The following TENM2 variants were observed in gnomAD, a reference collection of about 807,000 sequenced individuals.
TENM2 encodes teneurin transmembrane protein 2, also known as teneurin-2.
In TENM2, 52 loss-of-function variants were observed where a neutral mutation model predicts 245.2. The observed-to-expected ratio is 0.21, with a 90% CI of 0.17 to 0.27. The LOEUF is 0.27. Ranked by LOEUF, TENM2 falls within the 10% of genes least tolerant of loss-of-function variation. The pLI, the probability that TENM2 is intolerant of heterozygous loss-of-function variation, is 1.00. For missense variants in TENM2, 3,046 were observed against 3,666.8 expected, an observed-to-expected ratio of 0.83 and a Z score of 4.37; for synonymous variants, 1,363 against 1,438.9, an observed-to-expected ratio of 0.95 and a Z score of 1.19.
At chr5:168,028,498 G>A (rs796698022) in intron 5 of TENM2, among the ~76,000 whole-genome samples, 1 of 152,138 alleles carries the variant, frequency 6.6e-6, no homozygotes, top group South Asian at 2.1e-4. Context: ...CTTTAAACAA[G>A]GTGTAGTGGA....
At chr5:168,136,760 A>G (rs1053229707) in intron 12 of TENM2, among the ~76,000 whole-genome samples, 1 of 152,184 alleles carries the variant, frequency 6.6e-6, no homozygotes, top group Non-Finnish European at 1.5e-5. Context: ...GGATGCTTAC[A>G]AGTTCTTTAA....
intron 2 of TENM2, among the ~76,000 whole-genome samples, chr5:167,528,675 G>C (rs2127590737): frequency 6.6e-6 from 1 of 152,176 alleles, no homozygotes; most frequent in Admixed American, 6.5e-5. Context: ...ACCATACACT[G>C]TACGGTGCTT....
chr5:168,105,638 A>G (rs1353415651), intron 9 of TENM2, among the ~76,000 whole-genome samples: 1 of 152,172 alleles, frequency 6.6e-6, no homozygotes, highest in East Asian at 1.9e-4. Context: ...AAGAAGACTG[A>G]ATAGTATAGA....
intron 5 of TENM2, among the ~76,000 whole-genome samples, chr5:168,003,345 A>C (rs71603847): frequency 8.0e-4 from 59 of 73,730 alleles, no homozygotes; most frequent in South Asian, 3.3e-3. Context: ...ACACACACAC[A>C]CCCCCAAAGC....
At chr5:167,329,335 G>A (rs1757287238) in intron 1 of TENM2, among the ~76,000 whole-genome samples, 1 of 151,054 alleles carries the variant, frequency 6.6e-6, no homozygotes, top group African/African-American at 2.4e-5. Context: ...CATGAGGTCA[G>A]GAGATTGAGA....
rs557371175 is a variant in TENM2, at chr5:168,039,693, A to T, written c.1187-7734A>T. 2.6e-5 allele frequency among the ~76,000 whole-genome samples: 4 copies of T among 152,192 alleles called. No homozygotes were observed. The South Asian group carries it at 8.3e-4, about 32-fold the overall frequency. ...AATAGGATGCCTGACTAGCATTGCC[A>T]GTCAGGTGCATTCCTGGCCACCCCG... On this transcript the variant is annotated intron_variant, in intron 5 of 28. Transcript: ENST00000518659.
At chr5:167,790,556 A>G (rs573172038) in intron 2 of TENM2, among the ~76,000 whole-genome samples, 2 of 152,298 alleles carry the variant, frequency 1.3e-5, no homozygotes, top group East Asian at 3.9e-4. Flanking sequence ...ACCTAGAAAC[A>G]TAAACGTTGC....
intron 27 of TENM2, among the ~76,000 whole-genome samples, chr5:168,259,754 T>C (rs1768018098): frequency 6.6e-6 from 1 of 152,184 alleles, no homozygotes; most frequent in Non-Finnish European, 1.5e-5. Flanking sequence ...CACTTATCCC[T>C]CCAGTCCATC....
At chr5:167,000,903 G>T in the TENM2 span, among the ~76,000 whole-genome samples, 1 of 152,136 alleles carries the variant, frequency 6.6e-6, no homozygotes, top group African/African-American at 2.4e-5. Context: ...TCTTGAGGAA[G>T]AGTAAGTTGT....
At position 167,391,212 on chromosome 5, in the gene TENM2, A is replaced by C. The variant is rs368808375; in HGVS notation, c.502+15739A>C. Among the ~76,000 whole-genome samples, 3 of 152,136 alleles carry C rather than the reference A, an allele frequency of 2.0e-5. No individual in the cohort carries two copies. The South Asian group carries it at 6.2e-4, about 31-fold the overall frequency. On this transcript the variant is annotated intron_variant, in intron 2 of 28. Transcript: ENST00000518659. ...ATTTTATTTATCCATTTCATCAAGA[A>C]TTTAGGGGAAATGGTGTAGCCTTCA...
At chr5:167,669,093 A>C (rs965834875) in intron 2 of TENM2, among the ~76,000 whole-genome samples, 4 of 152,206 alleles carry the variant, frequency 2.6e-5, no homozygotes, top group Non-Finnish European at 5.9e-5. Context: ...AACGAACTTT[A>C]AAAATAAAAG....
At chr5:167,317,601 C>T (rs1015446922) in intron 1 of TENM2, among the ~76,000 whole-genome samples, 1 of 152,206 alleles carries the variant, frequency 6.6e-6, no homozygotes, top group Non-Finnish European at 1.5e-5. Flanking sequence ...AGAGCAATCT[C>T]TTAGGCACTG....
At chr5:167,285,827 C>T (rs903570700) in intron 1 of TENM2, among the ~76,000 whole-genome samples, 1 of 152,170 alleles carries the variant, frequency 6.6e-6, no homozygotes, top group South Asian at 2.1e-4. Context: ...AAAACTGTAC[C>T]GAATGCCTCG....
the TENM2 span, among the ~76,000 whole-genome samples, chr5:167,218,434 GT>G: frequency 2.0e-5 from 3 of 152,136 alleles, no homozygotes; most frequent in South Asian, 6.2e-4. Context: ...GGCTCAAAAA[GT>G]TTTTGTGTTT....
intron 2 of TENM2, among the ~76,000 whole-genome samples, chr5:167,704,100 C>T (rs751815311): frequency 4.7e-4 from 72 of 152,042 alleles, no homozygotes; most frequent in Non-Finnish European, 8.8e-4. Context: ...GGAAATTGGC[C>T]GTGGTACAAG....
At chr5:167,322,353 C>A (rs1208709916) in intron 1 of TENM2, among the ~76,000 whole-genome samples, 1 of 152,088 alleles carries the variant, frequency 6.6e-6, no homozygotes, top group Non-Finnish European at 1.5e-5. Context: ...CTGTTAGCCA[C>A]CCATACCGTG....
chr5:168,009,054 A>C (rs542375410), intron 5 of TENM2, among the ~76,000 whole-genome samples: 1 of 152,228 alleles, frequency 6.6e-6, no homozygotes, highest in African/African-American at 2.4e-5. Context: ...AGGCTAACAA[A>C]ATTCCTCCAT....
At chr5:167,349,658 A>G (rs1033538450) in intron 1 of TENM2, among the ~76,000 whole-genome samples, 1 of 152,174 alleles carries the variant, frequency 6.6e-6, no homozygotes, top group African/African-American at 2.4e-5. Context: ...ATGTACACAC[A>G]CAGAATATGC....
At chr5:167,179,961 A>G in the TENM2 span, among the ~76,000 whole-genome samples, 1 of 152,182 alleles carries the variant, frequency 6.6e-6, no homozygotes, top group Non-Finnish European at 1.5e-5. Flanking sequence ...GAGGATATTC[A>G]TGGAAAGGCA....
Sources: gnomAD v4.1 joint callset for allele counts (sites outside exome capture counted in the v4.1 genomes callset) on GRCh38, gnomAD v4.1.1 for gene constraint, MANE v1.5 for transcripts, NCBI Gene and HGNC (gene_info 2026-07-23, HGNC 2026-07-21) for gene names.